M6PR: variants seen among roughly 807,000 people sequenced by gnomAD.
M6PR encodes the protein mannose-6-phosphate receptor, cation dependent, also known as cation-dependent mannose-6-phosphate receptor.
Under a neutral mutation model 33.1 loss-of-function variants are expected in M6PR, and 19 were observed. The observed-to-expected ratio is 0.57, with a 90% CI of 0.40 to 0.84. The LOEUF (loss-of-function observed/expected upper bound fraction) is 0.84. Among genes scored for constraint, M6PR ranks in the 40% least tolerant of loss-of-function variants. M6PR has a pLI of 0.00. For synonymous variants in M6PR, 111 were observed against 123.4 expected, an observed-to-expected ratio of 0.90 and a Z score of 0.67; for missense variants, 295 against 336.0, an observed-to-expected ratio of 0.88 and a Z score of 0.95.
rs763017389 is a variant in M6PR, at chr12:8,943,575, GT to G, written c.454-41del. On this transcript the variant is annotated intron_variant, in intron 4 of 6. Transcript: ENST00000000412. ...GCATAACACATTCAGGTGGTTAAGT[GT>G]TTTGACTCCTGTCCAACAAAATAAA... The G allele has an allele frequency of 2.5e-6, 4 of 1,613,086 alleles. No individual in the cohort carries two copies. In the South Asian group the frequency reaches 4.4e-5, roughly 18 times the overall value.
At chr12:8,943,730 G>C (rs1306550927) in intron 4 of M6PR, 71 bp downstream of exon 4, 2 of 1,427,288 alleles carry the variant, frequency 1.4e-6, no homozygotes, top group African/African-American at 2.8e-5. Flanking sequence ...GTCCCCTCTG[G>C]ATATTCTCCC....
rs1474596158 is a variant in M6PR, at chr12:8,946,394, A to G, written c.11T>C (p.Phe4Ser). MFP[F>S]YSCWRTGLLL... ...CAGTCCAGTCCTCCAGCAGCTGTAG[A>G]AAGGGAACATCCTTTGGGAGAGAGT... The change falls in exon 2 of 7, where the codon TTC (phenylalanine) becomes TCC (serine). Residue 4 changes from phenylalanine (F) to serine (S), a missense_variant. By Grantham distance (155) the Phe-to-Ser change is radical. Coordinates refer to ENST00000000412, the MANE Select transcript of M6PR (RefSeq NM_002355.4). 4 of 1,611,052 alleles carry G rather than the reference A, an allele frequency of 2.5e-6. No homozygotes were observed. The highest frequency in any genetic ancestry group is 3.4e-6 in the Non-Finnish European group (4 of 1,178,802).
chr12:8,946,710 C>G (rs115639173), intron 1 of M6PR: 1 of 232,738 alleles, frequency 4.3e-6, no homozygotes, highest in African/African-American at 2.3e-5. Flanking sequence ...GTGGAGCCAT[C>G]CTTGCCTCTT....
intron 1 of M6PR, 139 bp from the exon 2 acceptor site, chr12:8,946,544 T>C (rs923291629): frequency 3.5e-5 from 21 of 605,394 alleles, no homozygotes; most frequent in Non-Finnish European, 4.5e-5. Flanking sequence ...ATGCAACACA[T>C]AGTACATTTT....
chr12:8,947,456 T>C (rs977527189), intron 1 of M6PR, among the ~76,000 whole-genome samples: 1 of 152,160 alleles, frequency 6.6e-6, no homozygotes, highest in African/African-American at 2.4e-5. Context: ...TGACTTCCTG[T>C]ACCCCAAACA....
intron 5 of M6PR, among the ~76,000 whole-genome samples, chr12:8,943,064 C>T (rs1946045845): frequency 2.0e-5 from 3 of 151,904 alleles, no homozygotes; most frequent in East Asian, 1.9e-4. Flanking sequence ...AGTGATTCTA[C>T]TGCCTCAGCC....
chr12:8,942,577 T>A, intron 5 of M6PR, 35 bp from the exon 6 acceptor site: 1 of 1,604,232 alleles, frequency 6.2e-7, no homozygotes, highest in Non-Finnish European at 8.5e-7. Flanking sequence ...ACTTAAGAAC[T>A]GGGAAATAGT....
At position 8,946,480 on chromosome 12, in the gene M6PR, T is replaced by G. The variant is rs749356816; in HGVS notation, c.-1-75A>C. 24 of 1,142,516 alleles carry G rather than the reference T, an allele frequency of 2.1e-5. No individual in the cohort carries two copies. The South Asian group carries it at 3.0e-4, about 14-fold the overall frequency. The allele number at this position is 1,142,516 out of a possible 1,614,324, so 70.8% of individuals were successfully genotyped here. A position where few individuals can be genotyped will look rare whatever the true frequency, so the allele number is the denominator to read the frequency against. The stretch of plus-strand genomic sequence containing the variant: ...AGGAAAGAGATAAAGCGTATGAATG[T>G]GTAATAAATCGATGGTATTTTAATT... On this transcript the variant is annotated intron_variant, in intron 1 of 6. Coordinates refer to ENST00000000412, the MANE Select transcript of M6PR (RefSeq NM_002355.4).
At position 8,949,103 on chromosome 12, in the gene M6PR, T is replaced by C. The variant is rs1222701971; in HGVS notation, c.-2+385A>G. ...TGCCAGAAATTCTCGCTCTGTCTAG[T>C]GTCCCGACTTTCCAAGCGCTTGTAG... is the stretch of plus-strand genomic sequence containing the variant. On this transcript the variant is annotated intron_variant, in intron 1 of 6. Transcript: ENST00000000412. This position sits in a 1 kb window ranked among gnomAD's most constrained non-coding sequence, Gnocchi z 5.6. 6.6e-6 allele frequency among the ~76,000 whole-genome samples: 1 copy of C among 152,122 alleles called. No individual in the cohort carries two copies. The highest frequency in any genetic ancestry group is 2.4e-5 in the African/African-American group (1 of 41,416).
In M6PR at chr12:8,943,428, ACT is replaced by A; in HGVS notation, c.559_560del (p.Ser187CysfsTer54). The A allele has an allele frequency of 6.2e-7, 1 of 1,614,182 alleles. No individual in the cohort carries two copies. The highest frequency in any genetic ancestry group is 8.5e-7 in the Non-Finnish European group (1 of 1,180,010). ...ACGTGACAAGTAAGATGGAACCCACACTGAGGTGGGAGATCTCTGGTGAACAG... is the reference window on the plus strand; with the variant it reads ...ACGTGACAAGTAAGATGGAACCCACAGAGGTGGGAGATCTCTGGTGAACAG... ...LACSPEISHL[S>X]VGSILLVTFA... On this transcript the variant is annotated frameshift_variant, in exon 5 of 7. Coordinates refer to ENST00000000412, the MANE Select transcript of M6PR (RefSeq NM_002355.4). LOFTEE classifies it high-confidence loss of function.
chr12:8,945,061 G>A (rs1055189720), intron 3 of M6PR, among the ~76,000 whole-genome samples: 1 of 152,236 alleles, frequency 6.6e-6, no homozygotes, highest in Non-Finnish European at 1.5e-5. Flanking sequence ...AGGAGGCTGA[G>A]GCTGGAGAAT....
intron 3 of M6PR, among the ~76,000 whole-genome samples, chr12:8,944,592 A>G (rs753887997): frequency 2.6e-5 from 4 of 152,206 alleles, no homozygotes; most frequent in Admixed American, 2.0e-4. Context: ...TGTATAACTT[A>G]TTTATCTGTA....
At chr12:8,942,377 T>C in intron 6 of M6PR, 39 bp downstream of exon 6, 1 of 1,614,042 alleles carries the variant, frequency 6.2e-7, no homozygotes, top group Non-Finnish European at 8.5e-7. Flanking sequence ...CCAACCTTGT[T>C]TGCAGGCTAC....
In M6PR at chr12:8,949,183, T is replaced by A. The variant is rs1202739393; in HGVS notation, c.-2+305A>T. 6.6e-6 allele frequency among the ~76,000 whole-genome samples: 1 copy of A among 152,000 alleles called. No homozygotes were observed. Among genetic ancestry groups the A allele is most frequent in the African/African-American group, 2.4e-5 (1 of 41,380 alleles). ...CCTCCCACCGTGATGCAGGCCAAAA[T>A]TCCTCCTACAAATAAATCCACCAAC... On this transcript the variant is annotated intron_variant, in intron 1 of 6. Transcript: ENST00000000412. The surrounding 1 kb of genome is among the most constrained non-coding windows in gnomAD (Gnocchi z 5.6).
At chr12:8,946,972 G>A (rs1805760) in intron 1 of M6PR, 7,456 of 152,202 alleles carry the variant, frequency 0.049, 273 homozygotes, top group African/African-American at 0.1. Context: ...AAAGGTCATT[G>A]TGGTTTTGGC....
chr12:8,945,431 G>A lies in M6PR; in HGVS notation c.330C>T (p.His110=). ...GAGTTTTCTTACTTCCGTTGAAGAT[G>A]TGAGTCTCGTTGAGTCTCCCTACCA... ...ETVVGRLNET[H]IFNGSNWIML... is the part of the protein sequence containing the mutation. Residue 110 remains histidine, a synonymous_variant, in exon 3 of 7, where the codon CAC becomes CAT. Coordinates refer to ENST00000000412, the MANE Select transcript of M6PR (RefSeq NM_002355.4). 6.2e-7 allele frequency: 1 copy of A among 1,614,030 alleles called. No individual in the cohort carries two copies. The highest frequency in any genetic ancestry group is 8.5e-7 in the Non-Finnish European group (1 of 1,179,962).
intron 5 of M6PR, 65 bp downstream of exon 5, chr12:8,943,340 T>A (rs1477159102): frequency 6.3e-7 from 1 of 1,588,400 alleles, no homozygotes; most frequent in South Asian, 1.1e-5. Flanking sequence ...TGTACCACCA[T>A]ATAGTTACTG....
Position 8,945,453 on chromosome 12 carries a change from A to G in M6PR, c.308T>C (p.Val103Ala). The G allele has an allele frequency of 6.2e-7, 1 of 1,614,094 alleles. No homozygotes were observed. The highest frequency in any genetic ancestry group is 2.2e-5 in the East Asian group (1 of 44,876). The stretch of plus-strand genomic sequence containing the variant: ...GATGTGAGTCTCGTTGAGTCTCCCT[A>G]CCACTGTCTCCTTCCCATTACTTTT... ...INKSNGKETV[V>A]GRLNETHIFN... Residue 103 changes from valine to alanine, a missense_variant, in exon 3 of 7, where the codon GTA (valine) becomes GCA (alanine). By Grantham distance (64) the Val-to-Ala change is moderately conservative. Coordinates refer to ENST00000000412, the MANE Select transcript of M6PR (RefSeq NM_002355.4).
At chr12:8,946,440 A>G in intron 1 of M6PR, 35 bp from the exon 2 acceptor site, 1 of 1,546,158 alleles carries the variant, frequency 6.5e-7, no homozygotes. Context: ...GAGGGCAGGT[A>G]GGATCAGGAG....
Sources: allele counts gnomAD v4.1 joint callset (sites outside exome capture counted in the v4.1 genomes callset), GRCh38; gene constraint gnomAD v4.1.1; non-coding constraint Gnocchi (gnomAD v3.1); transcripts MANE v1.5; gene names NCBI Gene and HGNC (gene_info 2026-07-23, HGNC 2026-07-21).